CLIC5: variants seen among roughly 807,000 people sequenced by gnomAD.
CLIC5 encodes the protein CLIC family member 5.
CLIC5 carries 20 observed loss-of-function variants against 24.7 expected under a neutral mutation model. That is an observed-to-expected ratio of 0.81 (90% CI 0.57 to 1.18). The LOEUF is 1.18. CLIC5 is among the 50% of genes most tolerant of loss of function. The pLI, the probability that CLIC5 is intolerant of heterozygous loss-of-function variation, is 0.00. For missense variants in CLIC5, 341 were observed against 326.1 expected (o/e 1.05, Z -0.35); for synonymous variants, 159 against 135.6 (o/e 1.17, Z -1.20).
chr6:45,975,535 C>A (rs554345712), intron 1 of CLIC5, among the ~76,000 whole-genome samples: 14 of 152,216 alleles, frequency 9.2e-5, no homozygotes, highest in African/African-American at 3.1e-4. Context: ...ACCAGTGGTG[C>A]CCTCAGATTC....
At chr6:46,067,355 A>T (rs765793527) in intron 1 of CLIC5, among the ~76,000 whole-genome samples, 7 of 151,974 alleles carry the variant, frequency 4.6e-5, no homozygotes, top group Non-Finnish European at 1.0e-4. Flanking sequence ...CTAGTCTAAC[A>T]CTATCTCCCC....
At chr6:46,019,663 G>T (rs768627400), upstream of CLIC5, among the ~76,000 whole-genome samples, 4 of 144,304 alleles carry the variant, frequency 2.8e-5, no homozygotes, top group Admixed American at 1.4e-4. Flanking sequence ...TCCGCAGTCC[G>T]GCCTGGGCGA....
At chr6:46,060,474 C>G (rs1463425039) in intron 1 of CLIC5, among the ~76,000 whole-genome samples, 3 of 152,030 alleles carry the variant, frequency 2.0e-5, no homozygotes, top group African/African-American at 7.2e-5. Context: ...TATTTTGTGC[C>G]TAGAATTTTA....
intron 5 of CLIC5, among the ~76,000 whole-genome samples, 197 bp from the exon 6 acceptor site, chr6:45,903,452 C>T (rs1762564351): frequency 1.3e-5 from 2 of 152,174 alleles, no homozygotes; most frequent in African/African-American, 4.8e-5. Context: ...CTTAAGTAAA[C>T]ATAATTTGCC....
chr6:45,896,912 A>G (rs1415049141), downstream of CLIC5, among the ~76,000 whole-genome samples: 1 of 152,220 alleles, frequency 6.6e-6, no homozygotes, highest in Admixed American at 6.5e-5. Context: ...TGGCTATTAA[A>G]AAAACAACCA....
intron 1 of CLIC5, among the ~76,000 whole-genome samples, chr6:46,041,763 A>G (rs973661211): frequency 1.3e-5 from 2 of 152,238 alleles, no homozygotes; most frequent in African/African-American, 2.4e-5. Context: ...TTCATCAACT[A>G]TAAAATGGGA....
intron 1 of CLIC5, among the ~76,000 whole-genome samples, chr6:45,985,661 C>G (rs939945575): frequency 6.6e-6 from 1 of 152,010 alleles, no homozygotes; most frequent in Non-Finnish European, 1.5e-5. Flanking sequence ...TCCTAATGCA[C>G]GCGAAGTTGG....
upstream of CLIC5, among the ~76,000 whole-genome samples, chr6:46,081,963 G>A (rs1238193052): frequency 1.3e-5 from 2 of 152,110 alleles, no homozygotes; most frequent in Non-Finnish European, 2.9e-5. Flanking sequence ...AAATAAAAAT[G>A]CTGCAGATAT....
At chr6:46,057,040 T>A (rs925892620) in intron 1 of CLIC5, among the ~76,000 whole-genome samples, 4 of 152,232 alleles carry the variant, frequency 2.6e-5, no homozygotes, top group African/African-American at 9.6e-5. Flanking sequence ...TTCAAAATGA[T>A]CCTCATTGCA....
At chr6:45,926,108 G>A (rs1225609948) in intron 4 of CLIC5, among the ~76,000 whole-genome samples, 3 of 151,874 alleles carry the variant, frequency 2.0e-5, no homozygotes, top group Admixed American at 6.6e-5. Context: ...GAAATCACGT[G>A]GCTCAACCCT....
At chr6:45,908,185 A>T (rs1762713820) in intron 5 of CLIC5, among the ~76,000 whole-genome samples, 2 of 152,092 alleles carry the variant, frequency 1.3e-5, no homozygotes, top group South Asian at 4.2e-4. Flanking sequence ...AATCTAGCTA[A>T]TGGTTTATGG....
intron 1 of CLIC5, among the ~76,000 whole-genome samples, chr6:45,993,200 T>C (rs1301696446): frequency 6.6e-6 from 1 of 152,218 alleles, no homozygotes; most frequent in Non-Finnish European, 1.5e-5. Context: ...GCAGAAAACA[T>C]CTAATTGTTC....
intron 1 of CLIC5, among the ~76,000 whole-genome samples, chr6:46,048,846 A>G (rs1258515337): frequency 1.3e-5 from 2 of 152,216 alleles, no homozygotes; most frequent in Non-Finnish European, 2.9e-5. Flanking sequence ...GCAGTGGCTT[A>G]GCATCAGAAT....
intron 1 of CLIC5, among the ~76,000 whole-genome samples, chr6:45,965,401 G>A (rs944498207): frequency 6.6e-6 from 1 of 152,240 alleles, no homozygotes; most frequent in African/African-American, 2.4e-5. Flanking sequence ...ATAGATGGTT[G>A]AAGCTAAGGG....
intron 1 of CLIC5, among the ~76,000 whole-genome samples, chr6:46,032,997 T>C (rs960482054): frequency 4.8e-5 from 7 of 146,038 alleles, no homozygotes; most frequent in African/African-American, 1.8e-4. Flanking sequence ...TTTTTTTTTT[T>C]TTTTTTTTTG....
intron 2 of CLIC5, among the ~76,000 whole-genome samples, chr6:45,954,864 C>T (rs1290360291): frequency 6.6e-6 from 1 of 152,170 alleles, no homozygotes; most frequent in Non-Finnish European, 1.5e-5. Context: ...ATATGTGCAC[C>T]AGAAACTTAG....
the CLIC5 span, among the ~76,000 whole-genome samples, chr6:46,086,321 C>A: frequency 6.6e-6 from 1 of 152,266 alleles, no homozygotes; most frequent in African/African-American, 2.4e-5. Context: ...ATGCAGAAAT[C>A]ACCCGTCTTC....
intron 5 of CLIC5, among the ~76,000 whole-genome samples, chr6:45,904,240 A>G (rs1300831499): frequency 1.3e-5 from 2 of 152,202 alleles, no homozygotes; most frequent in African/African-American, 4.8e-5. Context: ...AAATTAGTTA[A>G]TACACATCAA....
chr6:46,120,805 T>C, the CLIC5 span, among the ~76,000 whole-genome samples: 4 of 152,100 alleles, frequency 2.6e-5, no homozygotes, highest in African/African-American at 9.7e-5. Context: ...CAGTAGCCGA[T>C]TCGATCAACT....
Sources: allele counts gnomAD v4.1 joint callset (sites outside exome capture counted in the v4.1 genomes callset), GRCh38; gene constraint gnomAD v4.1.1; transcripts MANE v1.5; gene names NCBI Gene and HGNC (gene_info 2026-07-23, HGNC 2026-07-21).